The following BMPR2 variants were observed in gnomAD, a reference collection of about 807,000 sequenced individuals.
BMPR2 encodes bone morphogenetic protein receptor type 2.
A neutral mutation model predicts 100.8 loss-of-function variants in BMPR2; 29 were observed. The ratio of observed to expected loss-of-function variants is 0.29; its 90% CI spans 0.21 to 0.39. The LOEUF (loss-of-function observed/expected upper bound fraction) is 0.39. BMPR2 is among the 10% of genes least tolerant of loss of function. The pLI, the probability that BMPR2 is intolerant of heterozygous loss-of-function variation, is 1.00. For missense variants in BMPR2, 1,011 were observed against 1,274.5 expected (o/e 0.79, Z 3.15); for synonymous variants, 382 against 442.3 (o/e 0.86, Z 1.71).
intron 1 of BMPR2, among the ~76,000 whole-genome samples, chr2:202,383,391 C>A (rs1043407155): frequency 6.6e-6 from 1 of 151,812 alleles, no homozygotes; most frequent in Admixed American, 6.6e-5. Context: ...TACTAAAATA[C>A]AAAATTAGGC....
chr2:202,459,047 C>A (rs1692175333), intron 1 of BMPR2, among the ~76,000 whole-genome samples: 1 of 152,126 alleles, frequency 6.6e-6, no homozygotes, highest in African/African-American at 2.4e-5. Flanking sequence ...TGCTGAAAAT[C>A]CTTTTTATTT....
intron 3 of BMPR2, among the ~76,000 whole-genome samples, chr2:202,472,813 C>A (rs1336464677): frequency 6.6e-6 from 1 of 152,102 alleles, no homozygotes; most frequent in African/African-American, 2.4e-5. Flanking sequence ...ATCAGTAATG[C>A]TATTGCAATA....
At chr2:202,489,972 C>T (rs1253861409) in intron 3 of BMPR2, among the ~76,000 whole-genome samples, 1 of 152,170 alleles carries the variant, frequency 6.6e-6, no homozygotes, top group Non-Finnish European at 1.5e-5. Flanking sequence ...TGGATTTTGG[C>T]TGATCTAGGC....
At chr2:202,499,636 A>C (rs946873330) in intron 3 of BMPR2, among the ~76,000 whole-genome samples, 1 of 152,232 alleles carries the variant, frequency 6.6e-6, no homozygotes, top group Non-Finnish European at 1.5e-5. Context: ...TGTCACCTGA[A>C]TCACTTGAGA....
intron 3 of BMPR2, among the ~76,000 whole-genome samples, chr2:202,507,072 TA>T (rs74622497): frequency 0.13 from 15,793 of 121,568 alleles, 966 homozygotes; most frequent in Non-Finnish European, 0.15. Context: ...GACTCTGCCT[TA>T]AAAAAAAAAA....
At chr2:202,558,345 C>A (rs1008888742) in intron 12 of BMPR2, among the ~76,000 whole-genome samples, 1 of 151,980 alleles carries the variant, frequency 6.6e-6, no homozygotes, top group Non-Finnish European at 1.5e-5. Flanking sequence ...CACTGGACTT[C>A]AGGTGATCCA....
intron 10 of BMPR2, among the ~76,000 whole-genome samples, chr2:202,546,022 T>G (rs556734616): frequency 2.6e-5 from 4 of 152,338 alleles, no homozygotes; most frequent in Admixed American, 6.5e-5. Flanking sequence ...TATTTTGAAA[T>G]ATCTCTCGGC....
intron 1 of BMPR2, among the ~76,000 whole-genome samples, chr2:202,424,468 C>T (rs1326482297): frequency 5.3e-5 from 8 of 151,516 alleles, no homozygotes; most frequent in Admixed American, 5.3e-4. Flanking sequence ...GAGGCTGAGG[C>T]GGGTGGATCA....
chr2:202,534,670 A>G (rs1317611958), intron 9 of BMPR2, among the ~76,000 whole-genome samples: 1 of 152,196 alleles, frequency 6.6e-6, no homozygotes, highest in African/African-American at 2.4e-5. Context: ...CTTTCTACAC[A>G]GACACGGCAA....
chr2:202,468,897 CAAAG>C (rs1390810867), intron 3 of BMPR2, among the ~76,000 whole-genome samples: 4 of 151,452 alleles, frequency 2.6e-5, no homozygotes, highest in Non-Finnish European at 5.9e-5. Context: ...AAAAAAGAAA[CAAAG>C]AATAAATAGA....
At chr2:202,493,415 A>G (rs1334455133) in intron 3 of BMPR2, among the ~76,000 whole-genome samples, 1 of 152,152 alleles carries the variant, frequency 6.6e-6, no homozygotes. Flanking sequence ...CTTTGAGAGC[A>G]TATTTAATGG....
At chr2:202,420,913 C>G (rs747077934) in intron 1 of BMPR2, among the ~76,000 whole-genome samples, 16 of 151,822 alleles carry the variant, frequency 1.1e-4, no homozygotes, top group Non-Finnish European at 2.4e-4. Context: ...TCTATGAGGT[C>G]CAACTTAGAA....
At chr2:202,472,869 A>AC (rs1419624744) in intron 3 of BMPR2, among the ~76,000 whole-genome samples, 8 of 152,204 alleles carry the variant, frequency 5.3e-5, no homozygotes, top group Non-Finnish European at 8.8e-5. Flanking sequence ...TGGAAGCATT[A>AC]ACTCAATTTA....
At chr2:202,475,542 T>C (rs950449823) in intron 3 of BMPR2, among the ~76,000 whole-genome samples, 3 of 152,234 alleles carry the variant, frequency 2.0e-5, no homozygotes, top group Non-Finnish European at 4.4e-5. Context: ...CATTATTTAT[T>C]GTTCATCAGA....
intron 1 of BMPR2, among the ~76,000 whole-genome samples, chr2:202,444,118 G>C (rs1040568770): frequency 1.3e-5 from 2 of 150,750 alleles, no homozygotes; most frequent in Non-Finnish European, 2.9e-5. Flanking sequence ...TGGCCCTAAA[G>C]AAAGAGATAC....
intron 1 of BMPR2, among the ~76,000 whole-genome samples, chr2:202,409,070 C>A (rs1187182637): frequency 2.6e-5 from 4 of 152,126 alleles, no homozygotes; most frequent in Non-Finnish European, 5.9e-5. Flanking sequence ...TGAGTCTGGG[C>A]GCAGTGGCTC....
In BMPR2 at chr2:202,376,347, G is replaced by C. The variant is rs1388262017; in HGVS notation, c.-1128G>C. 2.0e-5 allele frequency among the ~76,000 whole-genome samples: 3 copies of C among 147,398 alleles called. No homozygotes were observed. The highest frequency in any genetic ancestry group is 2.2e-4 in the South Asian group (1 of 4,590). ...GCGGCGACTCCCCCCTTTGTGTCTG[G>C]TCTGCTCGGAGCCACTGGAAGTGCC... On this transcript the variant is annotated 5_prime_UTR_variant, in exon 1 of 13. Coordinates refer to ENST00000374580, the MANE Select transcript of BMPR2 (RefSeq NM_001204.7).
intron 1 of BMPR2, among the ~76,000 whole-genome samples, chr2:202,456,513 C>CT (rs200573778): frequency 0.012 from 1,557 of 132,952 alleles, 31 homozygotes; most frequent in African/African-American, 0.018. Flanking sequence ...TTCTTTCTTT[C>CT]TTTCTTTTTT....
chr2:202,510,829 C>T (rs900580543), intron 3 of BMPR2, among the ~76,000 whole-genome samples: 25 of 151,816 alleles, frequency 1.6e-4, no homozygotes, highest in African/African-American at 3.9e-4. Context: ...TACAGGCAAG[C>T]GCCACCATGC....
Sources: gnomAD v4.1 joint callset for allele counts (sites outside exome capture counted in the v4.1 genomes callset) on GRCh38, gnomAD v4.1.1 for gene constraint, MANE v1.5 for transcripts, NCBI Gene and HGNC (gene_info 2026-07-23, HGNC 2026-07-21) for gene names.